The following PTPRD variants were observed in gnomAD, a reference collection of about 807,000 sequenced individuals.
PTPRD encodes the protein receptor-type tyrosine-protein phosphatase delta.
In PTPRD, 34 loss-of-function variants were observed where a neutral mutation model predicts 214.5. That is an observed-to-expected ratio of 0.16 (90% CI 0.12 to 0.21). PTPRD has a LOEUF of 0.21. Among genes scored for constraint, PTPRD ranks in the 10% least tolerant of loss-of-function variants. The probability of loss-of-function intolerance (pLI) is 1.00; values close to 1 mark genes in which losing one functional copy is unlikely to be tolerated. For synonymous variants in PTPRD, 1,128 were observed against 845.7 expected, an observed-to-expected ratio of 1.33 and a Z score of -5.79; for missense variants, 2,545 against 2,398.7, an observed-to-expected ratio of 1.06 and a Z score of -1.27.
rs953518320 is a variant in PTPRD at position 8,470,850 on chromosome 9, T to C, written c.3504+145A>G. The C allele has an allele frequency of 2.3e-5, 15 of 661,856 alleles. No individual in the cohort carries two copies. In the Admixed American group the frequency reaches 2.3e-4, roughly 10 times the overall value. The allele number at this position is 661,856 out of a possible 1,614,324, so 41.0% of individuals were successfully genotyped here. A position where few individuals can be genotyped will look rare whatever the true frequency, so the allele number is the denominator to read the frequency against. On this transcript the variant is annotated intron_variant, in intron 31 of 45. Transcript: ENST00000381196. Reference sequence around the variant, plus strand: ...TTGTTGGGATCCCCAGGGGTTAGCATGCCCATAGCACTGAACCATCCAACC... The same window carrying C: ...TTGTTGGGATCCCCAGGGGTTAGCACGCCCATAGCACTGAACCATCCAACC...
chr9:8,699,435 T>C (rs903108039), intron 12 of PTPRD, among the ~76,000 whole-genome samples: 3 of 152,192 alleles, frequency 2.0e-5, no homozygotes, highest in East Asian at 1.9e-4. Context: ...AGGACATTTT[T>C]CCCCCATATC....
intron 3 of PTPRD, among the ~76,000 whole-genome samples, chr9:10,326,672 A>C (rs2096648809): frequency 6.6e-6 from 1 of 151,630 alleles, no homozygotes; most frequent in African/African-American, 2.4e-5. Flanking sequence ...GAAAATGTGA[A>C]GCATGAAGAA....
At chr9:10,118,864 C>T (rs534930425) in intron 3 of PTPRD, among the ~76,000 whole-genome samples, 1 of 85,406 alleles carries the variant, frequency 1.2e-5, no homozygotes, top group Non-Finnish European at 2.5e-5. Flanking sequence ...GGGAAATACA[C>T]CAAAAATAAA....
chr9:10,255,442 A>G (rs1296261952), intron 3 of PTPRD, among the ~76,000 whole-genome samples: 1 of 152,224 alleles, frequency 6.6e-6, no homozygotes, highest in African/African-American at 2.4e-5. Context: ...AAGGTACAAT[A>G]TAAATACAGT....
chr9:9,385,717 C>A (rs4400438), intron 9 of PTPRD, among the ~76,000 whole-genome samples: 25 of 151,934 alleles, frequency 1.6e-4, no homozygotes, highest in African/African-American at 6.0e-4. Context: ...AAACCATGTA[C>A]TTTTCTATGT....
intron 3 of PTPRD, among the ~76,000 whole-genome samples, chr9:10,272,850 G>T (rs1221204052): frequency 1.3e-5 from 2 of 151,560 alleles, no homozygotes; most frequent in South Asian, 4.1e-4. Flanking sequence ...TACCACACAT[G>T]TGTGAATTTT....
At chr9:9,484,256 G>C (rs950965342) in intron 8 of PTPRD, among the ~76,000 whole-genome samples, 3 of 151,894 alleles carry the variant, frequency 2.0e-5, no homozygotes, top group Non-Finnish European at 2.9e-5. Flanking sequence ...AAGTCAGTCT[G>C]ATGAATTCAA....
At chr9:8,375,430 A>G (rs2082933943) in intron 39 of PTPRD, among the ~76,000 whole-genome samples, 1 of 152,042 alleles carries the variant, frequency 6.6e-6, no homozygotes, top group Admixed American at 6.6e-5. Flanking sequence ...TAAAAATCAA[A>G]TTAGTGATTT....
intron 11 of PTPRD, among the ~76,000 whole-genome samples, chr9:8,899,883 G>A (rs2098652848): frequency 6.6e-6 from 1 of 152,188 alleles, no homozygotes; most frequent in African/African-American, 2.4e-5. Flanking sequence ...AGAGCAACAA[G>A]TATTTGTTAA....
At chr9:9,429,435 T>C (rs1398755971) in intron 8 of PTPRD, among the ~76,000 whole-genome samples, 3 of 151,946 alleles carry the variant, frequency 2.0e-5, no homozygotes, top group Admixed American at 6.6e-5. Flanking sequence ...AAAAAGTCCA[T>C]GACCAGATGG....
At chr9:10,261,641 A>G (rs1405931410) in intron 3 of PTPRD, among the ~76,000 whole-genome samples, 1 of 152,140 alleles carries the variant, frequency 6.6e-6, no homozygotes, top group Non-Finnish European at 1.5e-5. Flanking sequence ...AGAGAAAACA[A>G]TGATGCAGTA....
At chr9:9,486,698 T>C (rs922539965) in intron 8 of PTPRD, among the ~76,000 whole-genome samples, 1 of 152,180 alleles carries the variant, frequency 6.6e-6, no homozygotes, top group African/African-American at 2.4e-5. Flanking sequence ...ACGTACAATC[T>C]TCAGATCTCA....
Position 10,503,984 on chromosome 9 carries a change from C to T in PTPRD, c.-600+108414G>A, listed in dbSNP as rs927562921. 3.0e-4 allele frequency among the ~76,000 whole-genome samples: 45 copies of T among 150,910 alleles called. 1 individual carries two copies. Among genetic ancestry groups the T allele is most frequent in the Admixed American group, 1.1e-3 (17 of 15,152 alleles). ...ACAAAAAATTAGCCGGGCGTGGTGG[C>T]GGGCGCCTGTAGTCCCAGCTACTCC... On this transcript the variant is annotated intron_variant, in intron 2 of 45. Transcript: ENST00000381196.
At chr9:8,724,428 C>G (rs1028880584) in intron 12 of PTPRD, among the ~76,000 whole-genome samples, 1 of 152,150 alleles carries the variant, frequency 6.6e-6, no homozygotes, top group East Asian at 1.9e-4. Context: ...ACATCTACTC[C>G]GTAACTTCCA....
At chr9:9,556,994 AT>A (rs1336162369) in intron 8 of PTPRD, among the ~76,000 whole-genome samples, 53 of 152,190 alleles carry the variant, frequency 3.5e-4, no homozygotes, top group Admixed American at 3.5e-3. Context: ...TAGGGAACTT[AT>A]CCCCCTGAGA....
chr9:9,765,987 A>G (rs967206660), intron 6 of PTPRD, among the ~76,000 whole-genome samples: 1 of 152,204 alleles, frequency 6.6e-6, no homozygotes, highest in African/African-American at 2.4e-5. Flanking sequence ...TGTTAGTTCA[A>G]GCAATTTTTC....
chr9:8,727,881 T>C (rs1169375470), intron 12 of PTPRD, among the ~76,000 whole-genome samples: 3 of 152,198 alleles, frequency 2.0e-5, no homozygotes, highest in African/African-American at 4.8e-5. Context: ...AGTTCTCCCA[T>C]TTAAAGTATA....
intron 2 of PTPRD, among the ~76,000 whole-genome samples, chr9:10,456,073 G>A (rs928483439): frequency 6.6e-6 from 1 of 151,722 alleles, no homozygotes; most frequent in East Asian, 1.9e-4. Context: ...TGTAGTCTTT[G>A]TCTATTACAT....
intron 2 of PTPRD, among the ~76,000 whole-genome samples, chr9:10,602,511 T>C (rs937954190): frequency 6.6e-6 from 1 of 151,832 alleles, no homozygotes; most frequent in African/African-American, 2.4e-5. Flanking sequence ...TGTAACTCTG[T>C]GTCAGGTGAG....
Sources: gnomAD v4.1 joint callset for allele counts (sites outside exome capture counted in the v4.1 genomes callset) on GRCh38, gnomAD v4.1.1 for gene constraint, MANE v1.5 for transcripts, NCBI Gene and HGNC (gene_info 2026-07-23, HGNC 2026-07-21) for gene names.